Variants in ACACB observed in about 807,000 individuals in gnomAD.
ACACB encodes the protein acetyl-CoA carboxylase 2.
ACACB carries 209 observed loss-of-function variants against 278.8 expected under a neutral mutation model. That is an observed-to-expected ratio of 0.75 (90% CI 0.67 to 0.84). The LOEUF (loss-of-function observed/expected upper bound fraction) is 0.84, where lower values mean the gene tolerates loss of function less well. Among genes scored for constraint, ACACB ranks in the 40% least tolerant of loss-of-function variants. The probability of loss-of-function intolerance (pLI) is 0.00; values close to 1 mark genes in which losing one functional copy is unlikely to be tolerated. For synonymous variants in ACACB, 1,174 were observed against 1,285.6 expected (o/e 0.91, Z 1.86); for missense variants, 2,850 against 3,269.0 (o/e 0.87, Z 3.13).
In ACACB at chr12:109,252,128, T is replaced by C. The variant is rs770662949; in HGVS notation, c.5873T>C (p.Ile1958Thr). ...RVIQVENSHI[I>T]LTGASALNKV... ...ATCCAGGTGGAGAATTCCCACATCA[T>C]CCTCACAGGAGCAAGTGCTCTCAAC... Residue 1958 changes from isoleucine to threonine, a missense_variant, in exon 42 of 53, where the codon ATC becomes ACC. Coordinates refer to ENST00000338432, the MANE Select transcript of ACACB (RefSeq NM_001093.4). 3 of 1,612,824 alleles carry C rather than the reference T, an allele frequency of 1.9e-6. No homozygotes were observed. The highest frequency in any genetic ancestry group is 2.5e-6 in the Non-Finnish European group (3 of 1,179,568).
intron 34 of ACACB, among the ~76,000 whole-genome samples, chr12:109,238,846 T>G (rs2046714076): frequency 6.6e-6 from 1 of 151,860 alleles, no homozygotes; most frequent in Non-Finnish European, 1.5e-5. Context: ...ATTACAGGCG[T>G]GAGCCACCAC....
At chr12:109,225,367 T>A (rs1200935287) in intron 27 of ACACB, among the ~76,000 whole-genome samples, 1 of 152,162 alleles carries the variant, frequency 6.6e-6, no homozygotes, top group South Asian at 2.1e-4. Flanking sequence ...TGGGTTTTTT[T>A]ATTTGTTTTG....
chr12:109,123,473 C>T (rs2042600626), intron 1 of ACACB, among the ~76,000 whole-genome samples: 1 of 151,876 alleles, frequency 6.6e-6, no homozygotes, highest in African/African-American at 2.4e-5. Flanking sequence ...GGGCAGATCA[C>T]TTGAGGCCAG....
At chr12:109,196,941 C>T (rs1407705790) in intron 16 of ACACB, 67 bp from the exon 17 acceptor site, 13 of 1,451,078 alleles carry the variant, frequency 9.0e-6, no homozygotes, top group South Asian at 3.1e-5. Context: ...TTGTTGTTAG[C>T]GGGGCCCAGC....
chr12:109,223,760 A>C, intron 26 of ACACB, 55 bp from the exon 27 acceptor site: 1 of 1,520,266 alleles, frequency 6.6e-7, no homozygotes, highest in South Asian at 1.1e-5. Flanking sequence ...ACAAAGAAAA[A>C]CCTGAAACTT....
At position 109,266,353 on chromosome 12, in the gene ACACB, C is replaced by A; in HGVS notation, c.7368C>A (p.Ala2456=). The A allele has an allele frequency of 6.2e-7, 1 of 1,606,492 alleles. No homozygotes were observed. The highest frequency in any genetic ancestry group is 1.1e-5 in the South Asian group (1 of 90,516). ...VHLLSTMDSP[A]ST ...TGCTGTCTACCATGGACAGCCCGGC[C>A]TCCACCTGACCGTGGCCCGCCCAGC... The change falls in exon 53 of 53, where the codon GCC becomes GCA. Residue 2456 remains alanine (A), a synonymous_variant. Coordinates refer to ENST00000338432, the MANE Select transcript of ACACB (RefSeq NM_001093.4).
chr12:109,261,893 AAAG>A (rs1179302712), intron 48 of ACACB, among the ~76,000 whole-genome samples: 1 of 151,746 alleles, frequency 6.6e-6, no homozygotes, highest in African/African-American at 2.4e-5. Flanking sequence ...AAAAAAAAAA[AAAG>A]AAAGAAAAGA....
chr12:109,120,551 A>G (rs1172242694), intron 1 of ACACB, among the ~76,000 whole-genome samples: 1 of 151,864 alleles, frequency 6.6e-6, no homozygotes, highest in Non-Finnish European at 1.5e-5. Flanking sequence ...GCATGTGTGT[A>G]TGCATGCATG....
At chr12:109,223,034 G>C in intron 26 of ACACB, 122 bp downstream of exon 26, 1 of 780,082 alleles carries the variant, frequency 1.3e-6, no homozygotes, top group Non-Finnish European at 2.1e-6. Context: ...CACAGCCACA[G>C]ATGCAGACAG....
At chr12:109,170,718 C>CATTCATAAAATGAAAAAGT (rs1161745205) in intron 4 of ACACB, among the ~76,000 whole-genome samples, 1 of 151,768 alleles carries the variant, frequency 6.6e-6, no homozygotes, top group Non-Finnish European at 1.5e-5. Flanking sequence ...TTGTGGACAT[C>CATTCATAAAATGAAAAAGT]TGTTTCACAA....
chr12:109,155,625 A>C (rs764694214), intron 2 of ACACB, among the ~76,000 whole-genome samples: 2 of 151,858 alleles, frequency 1.3e-5, no homozygotes, highest in Non-Finnish European at 2.9e-5. Flanking sequence ...TAATTTATAA[A>C]CTTGAATCAT....
At chr12:109,235,853 G>A (rs1251147502) in intron 33 of ACACB, 2 of 522,882 alleles carry the variant, frequency 3.8e-6, no homozygotes, top group Non-Finnish European at 6.7e-6. Flanking sequence ...TAAAAAATCA[G>A]CCTGGCATTG....
intron 1 of ACACB, among the ~76,000 whole-genome samples, chr12:109,120,442 C>T (rs1417055125): frequency 6.6e-6 from 1 of 152,164 alleles, no homozygotes; most frequent in African/African-American, 2.4e-5. Context: ...TCATTCCATG[C>T]CTTCCTCATC....
chr12:109,130,120 G>A (rs2042785947), intron 1 of ACACB, among the ~76,000 whole-genome samples: 1 of 152,198 alleles, frequency 6.6e-6, no homozygotes, highest in Non-Finnish European at 1.5e-5. Flanking sequence ...CAGAGTCCTG[G>A]AGCGGTGGCT....
intron 40 of ACACB, 43 bp downstream of exon 40, chr12:109,247,746 A>C (rs772044449): frequency 1.1e-5 from 16 of 1,474,922 alleles, no homozygotes; most frequent in Non-Finnish European, 1.4e-5. Context: ...GCTCATGGTT[A>C]ATTTCAGCTG....
intron 13 of ACACB, among the ~76,000 whole-genome samples, chr12:109,190,397 G>A (rs147440733): frequency 0.011 from 1,742 of 152,232 alleles, 15 homozygotes; most frequent in Non-Finnish European, 0.017. Flanking sequence ...CTGAGGTTTA[G>A]CTATTTGAAC....
At position 109,171,381 on chromosome 12, in the gene ACACB, G is replaced by A. The variant is rs563341199; in HGVS notation, c.926-424G>A. ...TTTTTTTTTTATTAGACAGAGTCTC[G>A]TTCTGTCACCCAGGCTGGAGTGCAG... is the stretch of plus-strand genomic sequence containing the variant. On this transcript the variant is annotated intron_variant, in intron 4 of 52. Transcript: ENST00000338432. Among the ~76,000 whole-genome samples, 14 of 148,186 alleles carry A rather than the reference G, an allele frequency of 9.4e-5. No individual in the cohort carries two copies. In the East Asian group the frequency reaches 1.4e-3, roughly 15 times the overall value.
intron 4 of ACACB, 78 bp downstream of exon 4, chr12:109,168,112 A>T: frequency 6.7e-7 from 1 of 1,501,536 alleles, no homozygotes; most frequent in Non-Finnish European, 9.0e-7. Context: ...TGCCTAGGCA[A>T]GTCCATCCTG....
intron 21 of ACACB, among the ~76,000 whole-genome samples, chr12:109,210,088 T>TAC (rs1278966757): frequency 8.3e-6 from 1 of 120,460 alleles, no homozygotes; most frequent in Non-Finnish European, 1.7e-5. Flanking sequence ...TATGTATATA[T>TAC]ACACACATGT....
Sources: gnomAD v4.1 joint callset for allele counts (sites outside exome capture counted in the v4.1 genomes callset) on GRCh38, gnomAD v4.1.1 for gene constraint, MANE v1.5 for transcripts, NCBI Gene and HGNC (gene_info 2026-07-23, HGNC 2026-07-21) for gene names.